ZNF37A: variants seen among roughly 807,000 people sequenced by gnomAD.
The protein encoded by ZNF37A is zinc finger protein 37A.
Under a neutral mutation model 12.3 loss-of-function variants are expected in ZNF37A, and 10 were observed. That is an observed-to-expected ratio of 0.82 (90% CI 0.50 to 1.38). The LOEUF is 1.38. ZNF37A is among the 40% of genes most tolerant of loss of function. The pLI is 0.00. For synonymous variants in ZNF37A, 207 were observed against 223.0 expected (o/e 0.93, Z 0.64); for missense variants, 580 against 651.2 (o/e 0.89, Z 1.19).
intron 5 of ZNF37A, among the ~76,000 whole-genome samples, chr10:38,106,096 T>C: frequency 6.6e-6 from 1 of 152,178 alleles, no homozygotes; most frequent in African/African-American, 2.4e-5. Flanking sequence ...TCTTTCACTG[T>C]GGAGTATGTT....
chr10:38,112,738 T>TCTTGG, intron 5 of ZNF37A, among the ~76,000 whole-genome samples: 2,433 of 58,850 alleles, frequency 0.041, 484 homozygotes, highest in African/African-American at 0.057. Context: ...CCATTTTCTT[T>TCTTGG]TCTTTTCTTT....
At chr10:38,148,891 G>A (rs563671272) in exon 8 of ZNF37A, 7 of 151,064 alleles carry the variant, frequency 4.6e-5, no homozygotes, top group African/African-American at 1.7e-4. Context: ...AGGTTGGAGT[G>A]CAGTGGTACA....
intron 7 of ZNF37A, among the ~76,000 whole-genome samples, chr10:38,116,518 A>C (rs1464191050): frequency 6.6e-6 from 1 of 152,188 alleles, no homozygotes; most frequent in Non-Finnish European, 1.5e-5. Context: ...ATGAGGGACA[A>C]ACAGCTGAAC....
At chr10:38,096,727 G>A in intron 5 of ZNF37A, 95 bp downstream of exon 5, 6 of 1,263,046 alleles carry the variant, frequency 4.8e-6, no homozygotes, top group Non-Finnish European at 6.8e-6. Context: ...ATAACATCAG[G>A]GAAAATATAG....
Position 38,124,567 on chromosome 10 carries a change from A to G in ZNF37A, c.*5730A>G, listed in dbSNP as rs1312649511. ...AATATATCATGTACCCCATAGATAT[A>G]TACACCTAGTATGTACCCACAAAAA... is the stretch of plus-strand genomic sequence containing the variant. On this transcript the variant is annotated 3_prime_UTR_variant, in exon 8 of 8. Transcript: ENST00000685332. The G allele has an allele frequency of 6.6e-6, 1 of 152,206 alleles. No homozygotes were observed. Among genetic ancestry groups the G allele is most frequent in the Non-Finnish European group, 1.5e-5 (1 of 68,046 alleles). 9.4% of individuals were successfully genotyped at this position (152,206 alleles called of 1,614,324 possible).
At position 38,117,983 on chromosome 10, in the gene ZNF37A, A is replaced by G; in HGVS notation, c.832A>G (p.Lys278Glu). The change falls in exon 8 of 8, where the codon AAA (lysine) becomes GAA (glutamate). Residue 278 changes from lysine to glutamate, a missense_variant. Physicochemically the swap from Lys to Glu is moderately conservative, Grantham distance 56 (BLOSUM62 1). Coordinates refer to ENST00000685332, the MANE Select transcript of ZNF37A (RefSeq NM_001324250.3). The stretch of plus-strand genomic sequence containing the variant: ...ACCTTATGAATGTCATGAATGTGGA[A>G]AAACCTTCACCCAGAAGTCAGCCCA... The part of the protein sequence containing the change: ...EKPYECHECG[K>E]TFTQKSAHTR... The G allele has an allele frequency of 6.2e-7, 1 of 1,614,084 alleles. No individual in the cohort carries two copies.
chr10:38,131,688 T>C (rs2070029735), intron 7 of ZNF37A, among the ~76,000 whole-genome samples: 1 of 152,208 alleles, frequency 6.6e-6, no homozygotes, highest in South Asian at 2.1e-4. Context: ...AAATTAGCTT[T>C]TCCTTTTCTG....
At chr10:38,101,566 A>G (rs1444020430) in intron 5 of ZNF37A, among the ~76,000 whole-genome samples, 1 of 148,136 alleles carries the variant, frequency 6.8e-6, no homozygotes, top group African/African-American at 2.5e-5. Flanking sequence ...TTCTGTTACT[A>G]TGTCTCCTTT....
chr10:38,112,577 T>C (rs1348952451), intron 5 of ZNF37A, among the ~76,000 whole-genome samples: 4 of 151,532 alleles, frequency 2.6e-5, no homozygotes, highest in Admixed American at 1.3e-4. Context: ...TTTTTTTTTT[T>C]CTTTCGGAAT....
chr10:38,097,226 A>G (rs994727288), intron 5 of ZNF37A, among the ~76,000 whole-genome samples: 4 of 152,212 alleles, frequency 2.6e-5, no homozygotes, highest in African/African-American at 9.6e-5. Flanking sequence ...AACGAAGTGA[A>G]TAATTCATGT....
chr10:38,100,239 G>A (rs2067453651), intron 5 of ZNF37A, among the ~76,000 whole-genome samples: 1 of 152,192 alleles, frequency 6.6e-6, no homozygotes, highest in Admixed American at 6.5e-5. Context: ...CAGGACCGCA[G>A]GACCGGTGCG....
chr10:38,096,388 A>G (rs2474572), intron 4 of ZNF37A, among the ~76,000 whole-genome samples, 186 bp from the exon 5 acceptor site: 66,921 of 152,038 alleles, frequency 0.44, 14,962 homozygotes, highest in East Asian at 0.54. Flanking sequence ...TACAGCATAA[A>G]TTGTTTTTAA....
intron 7 of ZNF37A, chr10:38,140,930 G>A (rs558967751): frequency 6.6e-6 from 1 of 152,270 alleles, no homozygotes; most frequent in Admixed American, 6.5e-5. Flanking sequence ...TTAAATGAAT[G>A]AGAAGGAAGA....
chr10:38,114,776 G>A lies in ZNF37A; in HGVS notation c.37G>A (p.Val13Met). The A allele has an allele frequency of 6.2e-7, 1 of 1,613,956 alleles. No homozygotes were observed. Among genetic ancestry groups the A allele is most frequent in the Non-Finnish European group, 8.5e-7 (1 of 1,179,942 alleles). The change falls in exon 6 of 8, where the codon GTG (valine) becomes ATG (methionine). Residue 13 changes from valine (V) to methionine (M), a missense_variant. Transcript: ENST00000685332. Reference protein sequence around the residue: ...TSQGSVSFRDVTVGFTQEEWQ... With the variant: ...TSQGSVSFRDMTVGFTQEEWQ... ...CCAGGGATCAGTGTCGTTTAGGGAT[G>A]TGACTGTGGGCTTCACTCAAGAGGA...
At chr10:38,135,166 C>G (rs948062795) in intron 7 of ZNF37A, among the ~76,000 whole-genome samples, 3 of 152,186 alleles carry the variant, frequency 2.0e-5, no homozygotes, top group Non-Finnish European at 4.4e-5. Flanking sequence ...GCAGGTGGAT[C>G]ATGAGATCAA....
intron 5 of ZNF37A, among the ~76,000 whole-genome samples, chr10:38,113,562 G>A (rs1298729256): frequency 6.6e-6 from 1 of 152,026 alleles, no homozygotes; most frequent in South Asian, 2.1e-4. Flanking sequence ...TTGTCACTCT[G>A]CACTCTCCCC....
At chr10:38,150,135 C>A (rs2070309937) in exon 8 of ZNF37A, 1 of 152,264 alleles carries the variant, frequency 6.6e-6, no homozygotes, top group African/African-American at 2.4e-5. Context: ...CAGCCCCCAC[C>A]ACTCAAGGTT....
At chr10:38,103,664 A>C (rs574832820) in intron 5 of ZNF37A, among the ~76,000 whole-genome samples, 4 of 152,274 alleles carry the variant, frequency 2.6e-5, no homozygotes, top group African/African-American at 9.6e-5. Flanking sequence ...CTAATTCTAG[A>C]AATCAGATTC....
chr10:38,101,755 T>C (rs2067591733), intron 5 of ZNF37A, among the ~76,000 whole-genome samples: 1 of 151,988 alleles, frequency 6.6e-6, no homozygotes, highest in Non-Finnish European at 1.5e-5. Flanking sequence ...GAGAGTGTCT[T>C]ATAGACTATA....
Sources: allele counts gnomAD v4.1 joint callset (sites outside exome capture counted in the v4.1 genomes callset), GRCh38; gene constraint gnomAD v4.1.1; transcripts MANE v1.5; gene names NCBI Gene and HGNC (gene_info 2026-07-23, HGNC 2026-07-21).